Variants in TCF12 observed in about 807,000 individuals in gnomAD.
TCF12 encodes transcription factor 12.
TCF12 carries 45 observed loss-of-function variants against 86.0 expected under a neutral mutation model. That is an observed-to-expected ratio of 0.52 (90% CI 0.41 to 0.67). The LOEUF is 0.67. Ranked by LOEUF, TCF12 falls within the 30% of genes least tolerant of loss-of-function variation. The probability of loss-of-function intolerance (pLI) is 0.00; values close to 1 mark genes in which losing one functional copy is unlikely to be tolerated. For synonymous variants in TCF12, 330 were observed against 299.6 expected (o/e 1.10, Z -1.05); for missense variants, 881 against 859.9 (o/e 1.02, Z -0.31).
At chr15:57,158,962 C>G (rs1486516084) in intron 5 of TCF12, among the ~76,000 whole-genome samples, 14 of 152,222 alleles carry the variant, frequency 9.2e-5, no homozygotes, top group East Asian at 5.8e-4. Context: ...AATAGGCAAG[C>G]ATTTATTTAA....
chr15:56,979,752 A>T (rs1288302401), intron 3 of TCF12, among the ~76,000 whole-genome samples: 2 of 152,160 alleles, frequency 1.3e-5, no homozygotes, highest in African/African-American at 4.8e-5. Flanking sequence ...GGTCAAGGAG[A>T]TTGTGCATCA....
intron 3 of TCF12, among the ~76,000 whole-genome samples, chr15:57,036,881 A>G (rs1397265618): frequency 6.6e-6 from 1 of 152,160 alleles, no homozygotes; most frequent in African/African-American, 2.4e-5. Context: ...AGCAGAGAAA[A>G]GAGAGAAGCA....
At chr15:56,975,505 A>G (rs1285100627) in intron 3 of TCF12, among the ~76,000 whole-genome samples, 1 of 152,192 alleles carries the variant, frequency 6.6e-6, no homozygotes, top group Non-Finnish European at 1.5e-5. Flanking sequence ...AGCAATTTCA[A>G]ATTATTAGAA....
At chr15:56,995,231 C>CTTGTTTTTTTTTTTT (rs2063645849) in intron 3 of TCF12, among the ~76,000 whole-genome samples, 1 of 30,282 alleles carries the variant, frequency 3.3e-5, no homozygotes, top group Non-Finnish European at 6.2e-5. Context: ...ATACCTGCAG[C>CTTGTTTTTTTTTTTT]TTTTTTTTTT....
At chr15:57,179,283 A>C (rs1173805174) in intron 6 of TCF12, among the ~76,000 whole-genome samples, 1 of 152,112 alleles carries the variant, frequency 6.6e-6, no homozygotes, top group African/African-American at 2.4e-5. Context: ...TCAGGAGTGC[A>C]AGACCAGCCT....
chr15:57,073,800 G>A (rs2069627106), intron 4 of TCF12, among the ~76,000 whole-genome samples: 1 of 152,146 alleles, frequency 6.6e-6, no homozygotes, highest in South Asian at 2.1e-4. Context: ...CCAGGCTGGA[G>A]TACGGTGGCG....
intron 3 of TCF12, among the ~76,000 whole-genome samples, chr15:56,942,396 A>T (rs1341872433): frequency 6.6e-6 from 1 of 152,182 alleles, no homozygotes; most frequent in Admixed American, 6.5e-5. Context: ...TATCTCATTG[A>T]TGTTTAAAGA....
chr15:56,923,560 G>A (rs2059883765), intron 3 of TCF12, among the ~76,000 whole-genome samples: 1 of 152,118 alleles, frequency 6.6e-6, no homozygotes, highest in Non-Finnish European at 1.5e-5. Context: ...AGGAGTGAAA[G>A]GTCAGGCACT....
chr15:57,028,731 A>G (rs1357353985), intron 3 of TCF12, among the ~76,000 whole-genome samples: 8 of 152,152 alleles, frequency 5.3e-5, no homozygotes, highest in Non-Finnish European at 1.2e-4. Flanking sequence ...ATCTTTGCTT[A>G]CTGCAAAATT....
At chr15:57,100,641 G>A (rs1431675868) in intron 5 of TCF12, among the ~76,000 whole-genome samples, 1 of 151,812 alleles carries the variant, frequency 6.6e-6, no homozygotes, top group African/African-American at 2.4e-5. Context: ...AAAATAAATG[G>A]TTTCATATTA....
intron 4 of TCF12, among the ~76,000 whole-genome samples, chr15:57,082,153 C>A (rs1351688161): frequency 1.3e-5 from 2 of 152,194 alleles, no homozygotes; most frequent in Non-Finnish European, 2.9e-5. Flanking sequence ...TCATGGTCAA[C>A]TGCCCTGACT....
chr15:56,983,750 C>G (rs947351978), intron 3 of TCF12, among the ~76,000 whole-genome samples: 2 of 151,722 alleles, frequency 1.3e-5, no homozygotes, highest in African/African-American at 4.8e-5. Context: ...CCTGTAATCC[C>G]AGTGCTTTGG....
In TCF12 at chr15:57,042,128, G is replaced by GT. The variant is rs138374874; in HGVS notation, c.149-21614dup. Among the ~76,000 whole-genome samples the GT allele has an allele frequency of 8.0e-3, 1,206 of 151,092 alleles. 16 individuals carry two copies. Among genetic ancestry groups the GT allele is most frequent in the African/African-American group, 0.027 (1,112 of 40,918 alleles). On this transcript the variant is annotated intron_variant, in intron 3 of 20. Coordinates refer to ENST00000333725, the MANE Select transcript of TCF12 (RefSeq NM_207037.2). ...CTTATTTTATTTTTCAATTTTTATT[G>GT]TTTTTTTTGAGATGGAGTTTTGCCT...
intron 3 of TCF12, among the ~76,000 whole-genome samples, chr15:56,941,449 T>C (rs1873751495): frequency 6.6e-6 from 1 of 151,678 alleles, no homozygotes; most frequent in African/African-American, 2.4e-5. Context: ...CTTGGCTCAC[T>C]GCAACCTCTG....
intron 13 of TCF12, chr15:57,247,687 G>A: frequency 2.7e-6 from 2 of 747,412 alleles, no homozygotes; most frequent in East Asian, 4.9e-5. Context: ...CTGTTAGATG[G>A]GCACCAGACT....
intron 5 of TCF12, among the ~76,000 whole-genome samples, chr15:57,097,536 A>G (rs1030072772): frequency 6.6e-6 from 1 of 152,068 alleles, no homozygotes; most frequent in Non-Finnish European, 1.5e-5. Flanking sequence ...AAAAAAAATA[A>G]TAAAAAATAA....
At chr15:57,140,374 C>T (rs1167729475) in intron 5 of TCF12, among the ~76,000 whole-genome samples, 2 of 152,152 alleles carry the variant, frequency 1.3e-5, no homozygotes, top group African/African-American at 4.8e-5. Context: ...TAGTCAGATT[C>T]ATAAAGACAG....
intron 3 of TCF12, among the ~76,000 whole-genome samples, chr15:57,032,064 A>G (rs2066230896): frequency 1.3e-5 from 2 of 152,190 alleles, no homozygotes; most frequent in Admixed American, 1.3e-4. Context: ...TTCGGGCAGG[A>G]GGACAGAAAA....
chr15:57,175,284 G>C (rs914729221), intron 6 of TCF12, among the ~76,000 whole-genome samples: 6 of 152,088 alleles, frequency 3.9e-5, no homozygotes, highest in Non-Finnish European at 5.9e-5. Context: ...CTTGAGCCCA[G>C]GAGTTTGAGG....
Sources: allele counts gnomAD v4.1 joint callset (sites outside exome capture counted in the v4.1 genomes callset), GRCh38; gene constraint gnomAD v4.1.1; transcripts MANE v1.5; gene names NCBI Gene and HGNC (gene_info 2026-07-23, HGNC 2026-07-21).